PPM1B: variants seen among roughly 807,000 people sequenced by gnomAD.
PPM1B encodes protein phosphatase, Mg2+/Mn2+ dependent 1B, also known as protein phosphatase 1B.
PPM1B carries 22 observed loss-of-function variants against 43.0 expected under a neutral mutation model. The observed-to-expected ratio is 0.51, with a 90% CI of 0.37 to 0.73. PPM1B has a LOEUF of 0.73. Ranked by LOEUF, PPM1B falls within the 30% of genes least tolerant of loss-of-function variation. PPM1B has a pLI of 0.00. For missense variants in PPM1B, 632 were observed against 584.2 expected (o/e 1.08, Z -0.84); for synonymous variants, 217 against 197.9 (o/e 1.10, Z -0.81).
chr2:44,178,955 C>A (rs556568023), intron 1 of PPM1B, among the ~76,000 whole-genome samples: 56 of 152,124 alleles, frequency 3.7e-4, no homozygotes, highest in African/African-American at 1.3e-3. Context: ...ATTTTGCATT[C>A]TTTTAAAAAA....
chr2:44,245,205 C>G (rs1039590269), downstream of PPM1B, among the ~76,000 whole-genome samples: 1 of 152,154 alleles, frequency 6.6e-6, no homozygotes, highest in African/African-American at 2.4e-5. Flanking sequence ...GAAGTTTTAA[C>G]AGTAGTTCTG....
intron 3 of PPM1B, chr2:44,213,613 TCTAGCTATGCACC>T (rs945844200): frequency 3.3e-5 from 5 of 152,182 alleles, no homozygotes; most frequent in African/African-American, 4.8e-5. Flanking sequence ...TCTACAACTA[TCTAGCTATGCACC>T]CTAAACAATG....
At chr2:44,219,360 C>G (rs1200083398) in intron 5 of PPM1B, among the ~76,000 whole-genome samples, 1 of 152,034 alleles carries the variant, frequency 6.6e-6, no homozygotes, top group African/African-American at 2.4e-5. Context: ...GAGTCCACCT[C>G]CAGTCTCCAG....
intron 1 of PPM1B, among the ~76,000 whole-genome samples, chr2:44,188,726 C>T (rs1668249643): frequency 7.0e-6 from 1 of 142,534 alleles, no homozygotes; most frequent in South Asian, 2.1e-4. Context: ...TTCCTTCCTT[C>T]CTTCCTTCCT....
intron 3 of PPM1B, among the ~76,000 whole-genome samples, chr2:44,216,637 G>A (rs1669731609): frequency 6.6e-6 from 1 of 152,160 alleles, no homozygotes; most frequent in South Asian, 2.1e-4. Context: ...GATGAAAATA[G>A]GCATTCATAG....
chr2:44,203,500 G>GA (rs1262313502), intron 2 of PPM1B, among the ~76,000 whole-genome samples: 2 of 151,746 alleles, frequency 1.3e-5, no homozygotes, highest in Admixed American at 6.6e-5. Context: ...CTTACTATTG[G>GA]AAAAAAAATC....
chr2:44,213,064 G>A (rs1209127594), intron 3 of PPM1B, among the ~76,000 whole-genome samples: 1 of 145,900 alleles, frequency 6.9e-6, no homozygotes, highest in African/African-American at 2.5e-5. Flanking sequence ...AAAATTTAGT[G>A]GTTACCCTGA....
chr2:44,173,974 C>G (rs1194406388), intron 1 of PPM1B, among the ~76,000 whole-genome samples: 10 of 152,160 alleles, frequency 6.6e-5, no homozygotes. Context: ...TTTGTAATAA[C>G]TTGTTTAACC....
At chr2:44,170,942 C>T (rs1403761102) in intron 1 of PPM1B, among the ~76,000 whole-genome samples, 1 of 152,036 alleles carries the variant, frequency 6.6e-6, no homozygotes, top group African/African-American at 2.4e-5. Context: ...TCAATGCCTT[C>T]TTTGTCTTTT....
intron 1 of PPM1B, among the ~76,000 whole-genome samples, chr2:44,178,671 A>G (rs1393214081): frequency 1.3e-5 from 2 of 151,772 alleles, no homozygotes; most frequent in East Asian, 1.9e-4. Flanking sequence ...GGGTTTCACC[A>G]TGTTGGCCAG....
intron 1 of PPM1B, among the ~76,000 whole-genome samples, chr2:44,198,748 G>T (rs1039879024): frequency 5.3e-5 from 8 of 152,130 alleles, no homozygotes; most frequent in Non-Finnish European, 1.2e-4. Context: ...CTTGGTTTCG[G>T]ACCAGACCTA....
chr2:44,231,918 T>C (rs992446113), downstream of PPM1B, among the ~76,000 whole-genome samples: 5 of 152,238 alleles, frequency 3.3e-5, no homozygotes, highest in Non-Finnish European at 5.9e-5. Context: ...AAAAATTATT[T>C]TATAACTGTA....
chr2:44,217,593 T>A (rs1669781717), intron 3 of PPM1B, among the ~76,000 whole-genome samples: 1 of 152,202 alleles, frequency 6.6e-6, no homozygotes, highest in Non-Finnish European at 1.5e-5. Flanking sequence ...ATATAGCTGT[T>A]ACTGTATTCA....
chr2:44,184,667 A>G (rs1668039629), intron 1 of PPM1B, among the ~76,000 whole-genome samples: 1 of 152,034 alleles, frequency 6.6e-6, no homozygotes, highest in Non-Finnish European at 1.5e-5. Context: ...TTGATAGATT[A>G]TGCCTCCCTT....
intron 1 of PPM1B, among the ~76,000 whole-genome samples, chr2:44,196,472 T>C (rs1668668863): frequency 6.6e-6 from 1 of 152,228 alleles, no homozygotes; most frequent in Non-Finnish European, 1.5e-5. Flanking sequence ...ATTACCTGGC[T>C]GAGGTAGTGT....
Position 44,200,720 on chromosome 2 carries a change from C to G in PPM1B, c.-14-466C>G, listed in dbSNP as rs1340573713. Among the ~76,000 whole-genome samples, 3 of 152,178 alleles carry G rather than the reference C, an allele frequency of 2.0e-5. No individual in the cohort carries two copies. The East Asian group carries it at 5.8e-4, about 29-fold the overall frequency. ...AGTCTTCTAAAGTATATTAGTATACCTTCCTACCTTGATTTATTGAACAAG... is the reference window on the plus strand; with the variant it reads ...AGTCTTCTAAAGTATATTAGTATACGTTCCTACCTTGATTTATTGAACAAG... On this transcript the variant is annotated intron_variant, in intron 1 of 5. Transcript: ENST00000282412.
At chr2:44,225,347 A>G (rs1243497070) in intron 5 of PPM1B, among the ~76,000 whole-genome samples, 1 of 152,202 alleles carries the variant, frequency 6.6e-6, no homozygotes, top group Non-Finnish European at 1.5e-5. Context: ...GTGCTATATC[A>G]ACTGTACGAG....
At chr2:44,212,749 G>A (rs144792269) in intron 3 of PPM1B, among the ~76,000 whole-genome samples, 4,460 of 152,070 alleles carry the variant, frequency 0.029, 222 homozygotes, top group African/African-American at 0.1. Context: ...GGTGGCTCAC[G>A]CCTGTAATCC....
intron 1 of PPM1B, among the ~76,000 whole-genome samples, chr2:44,175,777 G>C (rs1333204129): frequency 6.7e-6 from 1 of 149,574 alleles, no homozygotes; most frequent in Non-Finnish European, 1.5e-5. Flanking sequence ...GAAAGACATT[G>C]GTTTGAGATT....
Sources: gnomAD v4.1 joint callset for allele counts (sites outside exome capture counted in the v4.1 genomes callset) on GRCh38, gnomAD v4.1.1 for gene constraint, MANE v1.5 for transcripts, NCBI Gene and HGNC (gene_info 2026-07-23, HGNC 2026-07-21) for gene names.